Variants in MEGF6 observed in about 807,000 individuals in gnomAD.
MEGF6 encodes the protein multiple epidermal growth factor-like domains protein 6.
In MEGF6, 184 loss-of-function variants were observed where a neutral mutation model predicts 207.1. That is an observed-to-expected ratio of 0.89 (90% CI 0.79 to 1.00). The LOEUF is 1.00. Ranked by LOEUF, MEGF6 falls within the 50% of genes least tolerant of loss-of-function variation. The pLI is 0.00. For synonymous variants in MEGF6, 1,038 were observed against 910.0 expected (o/e 1.14, Z -2.53); for missense variants, 2,282 against 2,202.9 (o/e 1.04, Z -0.72).
Position 3,489,738 on chromosome 1 carries a change from G to A in MEGF6, c.*790C>T, listed in dbSNP as rs77543902. Among the ~76,000 whole-genome samples, 2,611 of 152,278 alleles carry A rather than the reference G, an allele frequency of 0.017. 92 individuals carry two copies. The highest frequency in any genetic ancestry group is 0.059 in the African/African-American group (2,446 of 41,556). Reference sequence around the variant, plus strand: ...CAGCGGTAATGAATGCAGCCCCAGCGTTCTCCTCAATAGCACTGGGAACTG... The same window carrying A: ...CAGCGGTAATGAATGCAGCCCCAGCATTCTCCTCAATAGCACTGGGAACTG... On this transcript the variant is annotated 3_prime_UTR_variant, in exon 37 of 37. Transcript: ENST00000356575.
chr1:3,573,304 G>A lies in MEGF6; in HGVS notation c.481+6521C>T, dbSNP rs971636417. On this transcript the variant is annotated intron_variant, in intron 4 of 36. Coordinates refer to ENST00000356575, the MANE Select transcript of MEGF6 (RefSeq NM_001409.4). The surrounding 1 kb of genome is among the most constrained non-coding windows in gnomAD (Gnocchi z 5.1). ...GTAACCCCTAGTCCTCCTGGGGCATGCTAGGATCATTTCTCACACCAGACA... is the reference window on the plus strand; with the variant it reads ...GTAACCCCTAGTCCTCCTGGGGCATACTAGGATCATTTCTCACACCAGACA... Among the ~76,000 whole-genome samples the A allele has an allele frequency of 6.6e-6, 1 of 152,182 alleles. No homozygotes were observed.
At chr1:3,524,543 CG>C (rs1641888793) in intron 4 of MEGF6, among the ~76,000 whole-genome samples, 1 of 152,204 alleles carries the variant, frequency 6.6e-6, no homozygotes, top group African/African-American at 2.4e-5. Flanking sequence ...AAGACTGAAC[CG>C]GGAGCGCACG....
chr1:3,493,148 T>C (rs979545733), intron 34 of MEGF6: 4 of 276,560 alleles, frequency 1.4e-5, no homozygotes, highest in African/African-American at 8.9e-5. Context: ...GGTGAGCCCC[T>C]CCTATCCTCA....
At chr1:3,597,321 G>A (rs1021590641) in intron 2 of MEGF6, among the ~76,000 whole-genome samples, 4 of 151,942 alleles carry the variant, frequency 2.6e-5, no homozygotes, top group South Asian at 2.1e-4. Flanking sequence ...TCGGGAAGCC[G>A]CCCTGACGCC....
At chr1:3,563,652 T>C (rs533762346) in intron 4 of MEGF6, among the ~76,000 whole-genome samples, 9 of 152,334 alleles carry the variant, frequency 5.9e-5, no homozygotes, top group African/African-American at 1.9e-4. Context: ...GTCGGTTCTA[T>C]GGTTTTCTGC....
upstream of MEGF6, among the ~76,000 whole-genome samples, chr1:3,615,479 T>C (rs940134231): frequency 3.3e-5 from 5 of 152,202 alleles, no homozygotes; most frequent in African/African-American, 1.2e-4. Flanking sequence ...CAGACCAAGT[T>C]CCATCCTAAA....
chr1:3,555,536 C>T (rs961921131), intron 4 of MEGF6, among the ~76,000 whole-genome samples: 1 of 152,250 alleles, frequency 6.6e-6, no homozygotes, highest in Non-Finnish European at 1.5e-5. Context: ...AAGCAGGAGA[C>T]GGCAGAGCTC....
At chr1:3,611,085 G>A in intron 1 of MEGF6, 53 bp downstream of exon 1, 15 of 1,422,742 alleles carry the variant, frequency 1.1e-5, no homozygotes, top group Non-Finnish European at 1.3e-5. Flanking sequence ...GGCCTCCAGA[G>A]GCCCCGGGGT....
intron 4 of MEGF6, among the ~76,000 whole-genome samples, chr1:3,563,248 C>G (rs970936178): frequency 6.6e-6 from 1 of 152,142 alleles, no homozygotes; most frequent in African/African-American, 2.4e-5. Context: ...GGGGTCCAAG[C>G]CCATCTCCCT....
rs1557715999 is a variant in MEGF6 at position 3,497,066 on chromosome 1, CG to C, written c.3534del (p.Gly1179ValfsTer95). The C allele has an allele frequency of 6.4e-7, 1 of 1,563,506 alleles. No homozygotes were observed. On this transcript the variant is annotated frameshift_variant, in exon 28 of 37. Coordinates refer to ENST00000356575, the MANE Select transcript of MEGF6 (RefSeq NM_001409.4). LOFTEE classifies it high-confidence loss of function. ...GCAGGGTGGCAGGCCGGGTTCTCAC[CG>C]GGACACTGGCACATCTGCGCACAGT... ...GEDCAQMCQCPGENPACHPAT... is the reference protein window; with the variant it reads ...GEDCAQMCQCXGENPACHPAT...
chr1:3,502,230 G>A (rs2821026), intron 17 of MEGF6, among the ~76,000 whole-genome samples: 1 of 152,120 alleles, frequency 6.6e-6, no homozygotes, highest in African/African-American at 2.4e-5. Flanking sequence ...GGAGGAGAGG[G>A]GAGGGGCAGG....
At chr1:3,493,066 CCA>C (rs1025275633) in intron 34 of MEGF6, 1 of 446,356 alleles carries the variant, frequency 2.2e-6, no homozygotes, top group Admixed American at 3.6e-5. Context: ...CAAACAGGAG[CCA>C]GTGTTCAGGG....
In MEGF6 at chr1:3,602,497, A is replaced by G; in HGVS notation, c.235T>C (p.Trp79Arg). Residue 79 changes from tryptophan (W) to arginine (R), a missense_variant, in exon 2 of 37, where the codon TGG becomes CGG. By Grantham distance (101) the Trp-to-Arg change is moderately radical (BLOSUM62 -3). Transcript: ENST00000356575. ...TCATGACCCACGCACCACGCCTGCC[A>G]CCCACAGCCGGCCTTCCACACCGGC... The part of the protein sequence containing the change: ...TVPVWKAGCG[W>R]QAWCVGHERR... 1 of 1,613,242 alleles carries G rather than the reference A, an allele frequency of 6.2e-7. No homozygotes were observed. The highest frequency in any genetic ancestry group is 1.1e-5 in the South Asian group (1 of 91,084).
At chr1:3,497,196 C>T (rs1640646921) in intron 27 of MEGF6, 37 bp downstream of exon 27, 2 of 1,526,992 alleles carry the variant, frequency 1.3e-6, no homozygotes, top group South Asian at 1.3e-5. Context: ...TCCCCCTGCC[C>T]AGCCGCTCCT....
chr1:3,508,956 G>T, intron 12 of MEGF6, 119 bp downstream of exon 12: 1 of 1,216,286 alleles, frequency 8.2e-7, no homozygotes, highest in Non-Finnish European at 1.1e-6. Flanking sequence ...GGTCTAACAT[G>T]GCATTGCAGG....
intron 3 of MEGF6, among the ~76,000 whole-genome samples, chr1:3,595,018 G>C (rs1426200850): frequency 6.6e-6 from 1 of 152,108 alleles, no homozygotes; most frequent in African/African-American, 2.4e-5. Flanking sequence ...AGGCTCAGGA[G>C]TCCATGAACC....
Position 3,603,320 on chromosome 1 carries a change from GGGAGGGACCC to G in MEGF6, c.132-730_132-721del, listed in dbSNP as rs368604469. ...AGGCCCTGCGGGGGGAAGGGTCAGA[GGGAGGGACCC>G]TCCAAAGACAGCCACACGGGCCAGC... On this transcript the variant is annotated intron_variant, in intron 1 of 36. Coordinates refer to ENST00000356575, the MANE Select transcript of MEGF6 (RefSeq NM_001409.4). 2.6e-3 allele frequency among the ~76,000 whole-genome samples: 387 copies of G among 149,790 alleles called. 10 individuals are homozygous for G. Among genetic ancestry groups the G allele is most frequent in the African/African-American group, 9.3e-3 (366 of 39,294 alleles).
intron 4 of MEGF6, among the ~76,000 whole-genome samples, chr1:3,543,669 C>G (rs1642603501): frequency 6.6e-6 from 1 of 152,254 alleles, no homozygotes; most frequent in South Asian, 2.1e-4. Flanking sequence ...GAGATGCCGT[C>G]TAGCCTCCTG....
At chr1:3,569,181 C>T (rs2101684520) in intron 4 of MEGF6, among the ~76,000 whole-genome samples, 1 of 152,358 alleles carries the variant, frequency 6.6e-6, no homozygotes, top group African/African-American at 2.4e-5. Flanking sequence ...GGGGGGGAGA[C>T]CGAGGCTCCT....
Sources: allele counts gnomAD v4.1 joint callset (sites outside exome capture counted in the v4.1 genomes callset), GRCh38; gene constraint gnomAD v4.1.1; non-coding constraint Gnocchi (gnomAD v3.1); transcripts MANE v1.5; gene names NCBI Gene and HGNC (gene_info 2026-07-23, HGNC 2026-07-21).